Variants in TTC1 observed in about 807,000 individuals in gnomAD.
The protein encoded by TTC1 is tetratricopeptide repeat domain 1, also known as tetratricopeptide repeat protein 1.
A neutral mutation model predicts 37.6 loss-of-function variants in TTC1; 31 were observed. The ratio of observed to expected loss-of-function variants is 0.82; its 90% CI spans 0.62 to 1.11. The LOEUF is 1.11. Among genes scored for constraint, TTC1 ranks in the 50% most tolerant of loss-of-function variants. The pLI is 0.00. For synonymous variants in TTC1, 127 were observed against 122.4 expected (o/e 1.04, Z -0.25); for missense variants, 351 against 339.0 (o/e 1.04, Z -0.28).
chr5:160,044,417 G>T (rs891523529), intron 5 of TTC1, among the ~76,000 whole-genome samples: 9 of 152,232 alleles, frequency 5.9e-5, no homozygotes, highest in African/African-American at 1.9e-4. Context: ...TATACTTACA[G>T]TTATTTCTCA....
intron 4 of TTC1, among the ~76,000 whole-genome samples, chr5:160,041,590 G>A (rs760456373): frequency 9.2e-5 from 14 of 151,986 alleles, no homozygotes; most frequent in Non-Finnish European, 1.6e-4. Flanking sequence ...TGAGATTACA[G>A]GCATAAGCCA....
chr5:160,020,547 G>A (rs1756686884), intron 2 of TTC1, among the ~76,000 whole-genome samples: 1 of 152,218 alleles, frequency 6.6e-6, no homozygotes, highest in Non-Finnish European at 1.5e-5. Context: ...TGAGCAGCAG[G>A]CTAGTGAGCG....
intron 2 of TTC1, among the ~76,000 whole-genome samples, chr5:160,023,569 T>C (rs1756750242): frequency 6.6e-6 from 1 of 152,198 alleles, no homozygotes; most frequent in South Asian, 2.1e-4. Context: ...TAGGGAGACA[T>C]GTAACTCTGC....
At chr5:160,025,190 G>A (rs925109226) in intron 2 of TTC1, among the ~76,000 whole-genome samples, 2 of 152,086 alleles carry the variant, frequency 1.3e-5, no homozygotes, top group Admixed American at 1.3e-4. Context: ...ACCACACCTG[G>A]CTAATTTTTA....
chr5:160,029,389 C>T (rs1033831140), intron 2 of TTC1, among the ~76,000 whole-genome samples: 1 of 151,230 alleles, frequency 6.6e-6, no homozygotes, highest in African/African-American at 2.4e-5. Flanking sequence ...TACCTGTAAT[C>T]TCAGCACCTT....
At chr5:160,022,888 A>G (rs754681660) in intron 2 of TTC1, among the ~76,000 whole-genome samples, 15 of 152,232 alleles carry the variant, frequency 9.9e-5, no homozygotes, top group Non-Finnish European at 1.9e-4. Flanking sequence ...ATTAACCCAC[A>G]TATGCTACAG....
intron 6 of TTC1, 120 bp from the exon 7 acceptor site, chr5:160,051,009 A>G (rs1757388968): frequency 8.4e-6 from 6 of 714,806 alleles, no homozygotes; most frequent in Non-Finnish European, 1.3e-5. Flanking sequence ...GATCATAGAC[A>G]TACTTAACTT....
At position 160,040,467 on chromosome 5, in the gene TTC1, G is replaced by A. The variant is rs182945041; in HGVS notation, c.505-2666G>A. Among the ~76,000 whole-genome samples, 139 of 151,826 alleles carry A rather than the reference G, an allele frequency of 9.2e-4. 1 individual carries two copies. In the Middle Eastern group the frequency reaches 0.017, roughly 19 times the overall value. On this transcript the variant is annotated intron_variant, in intron 4 of 7. Coordinates refer to ENST00000231238, the MANE Select transcript of TTC1 (RefSeq NM_003314.3). ...AATTTTTCTTTAATAAATTCACCTT[G>A]GTTTACTGTGCCTTGTTTTCTTTAT...
intron 2 of TTC1, chr5:160,023,673 G>T: frequency 7.2e-7 from 1 of 1,389,660 alleles, no homozygotes; most frequent in Non-Finnish European, 1.0e-6. Context: ...GCTCAATGGG[G>T]ACAAAGCCGT....
intron 5 of TTC1, among the ~76,000 whole-genome samples, chr5:160,046,611 GTTATAT>G (rs1757254244): frequency 6.6e-6 from 1 of 151,570 alleles, no homozygotes; most frequent in Admixed American, 6.6e-5. Context: ...AACATGTTAT[GTTATAT>G]TTATGTTTAT....
chr5:160,039,207 T>C lies in TTC1; in HGVS notation c.504+2404T>C, dbSNP rs566593583. The C allele has an allele frequency of 1.6e-3, 237 of 151,986 alleles. 3 individuals carry two copies. Among genetic ancestry groups the C allele is most frequent in the African/African-American group, 5.5e-3 (229 of 41,478 alleles). 9.4% of individuals were successfully genotyped at this position (151,986 alleles called of 1,614,324 possible). On this transcript the variant is annotated intron_variant, in intron 4 of 7. Transcript: ENST00000231238. ...ATATCTGGAGAGAGAAAAGGTAACC[T>C]GGAGCTAGGGCAGAGTTTCAGCTCT... is the stretch of plus-strand genomic sequence containing the variant.
intron 7 of TTC1, 71 bp from the exon 8 acceptor site, chr5:160,064,861 C>T: frequency 6.7e-7 from 1 of 1,497,940 alleles, no homozygotes; most frequent in Non-Finnish European, 9.1e-7. Flanking sequence ...AGTGGTAAGG[C>T]AAGATTAATT....
chr5:160,019,114 T>C (rs992184354), intron 2 of TTC1, among the ~76,000 whole-genome samples: 1 of 152,258 alleles, frequency 6.6e-6, no homozygotes, highest in Non-Finnish European at 1.5e-5. Context: ...TCAATGGGTT[T>C]GCTCCCTTTC....
intron 3 of TTC1, among the ~76,000 whole-genome samples, chr5:160,035,641 T>C (rs562234884): frequency 1.8e-4 from 27 of 152,348 alleles, no homozygotes; most frequent in African/African-American, 6.0e-4. Context: ...TTCTTTCTTT[T>C]TTTAAATTCT....
intron 2 of TTC1, among the ~76,000 whole-genome samples, chr5:160,016,810 T>G (rs1756614787): frequency 6.6e-6 from 1 of 152,222 alleles, no homozygotes; most frequent in Non-Finnish European, 1.5e-5. Flanking sequence ...TATTAAAGGT[T>G]TCTTGTTGGA....
rs1756489780 is a variant in TTC1, at chr5:160,010,831, A to T, written c.303A>T (p.Glu101Asp). The change falls in exon 2 of 8, where the codon GAA becomes GAT. Residue 101 changes from glutamate (E) to aspartate (D), a missense_variant. Coordinates refer to ENST00000231238, the MANE Select transcript of TTC1 (RefSeq NM_003314.3). Reference protein sequence around the residue: ...ELDEEYLIELEKNMSDEEKQK... With the variant: ...ELDEEYLIELDKNMSDEEKQK... ...ATGAAGAATACCTAATAGAACTGGA[A>T]AAAAACATGTCGGATGAAGAGAAAC... The T allele has an allele frequency of 1.2e-6, 2 of 1,612,724 alleles. No individual in the cohort carries two copies. The highest frequency in any genetic ancestry group is 2.7e-5 in the African/African-American group (2 of 74,870).
chr5:160,051,848 TGAA>T lies in TTC1; in HGVS notation c.745+668_745+670del, dbSNP rs534186106. Reference sequence around the variant, plus strand: ...TGTAACCTGTCTGATATTTCGCTGGTGAAGATCTGCCATGTATTTTCCTTTTTG... The same window carrying T: ...TGTAACCTGTCTGATATTTCGCTGGTGATCTGCCATGTATTTTCCTTTTTG... On this transcript the variant is annotated intron_variant, in intron 7 of 7. Coordinates refer to ENST00000231238, the MANE Select transcript of TTC1 (RefSeq NM_003314.3). Among the ~76,000 whole-genome samples, 174 of 152,384 alleles carry T rather than the reference TGAA, an allele frequency of 1.1e-3. 1 individual carries two copies. Among genetic ancestry groups the T allele is most frequent in the Admixed American group, 3.3e-3 (50 of 15,306 alleles).
In TTC1 at chr5:160,036,663, G is replaced by T; in HGVS notation, c.392-28G>T. 6 of 1,455,656 alleles carry T rather than the reference G, an allele frequency of 4.1e-6. No homozygotes were observed. In the South Asian group the frequency reaches 6.8e-5, roughly 17 times the overall value. 90.2% of individuals were successfully genotyped at this position (1,455,656 alleles called of 1,614,324 possible). On this transcript the variant is annotated intron_variant, in intron 3 of 7. Transcript: ENST00000231238. Reference sequence around the variant, plus strand: ...GTAGTATCAGGAATAAAATCAAAATGACCATTCATCCTTTCTCTTATCCTC... The same window carrying T: ...GTAGTATCAGGAATAAAATCAAAATTACCATTCATCCTTTCTCTTATCCTC...
intron 2 of TTC1, among the ~76,000 whole-genome samples, chr5:160,021,276 A>G (rs1001390577): frequency 1.3e-5 from 2 of 152,222 alleles, no homozygotes; most frequent in Non-Finnish European, 2.9e-5. Context: ...TGGGAAACAG[A>G]TCCAGATGGA....
Sources: allele counts gnomAD v4.1 joint callset (sites outside exome capture counted in the v4.1 genomes callset), GRCh38; gene constraint gnomAD v4.1.1; transcripts MANE v1.5; gene names NCBI Gene and HGNC (gene_info 2026-07-23, HGNC 2026-07-21).